Variants in DRAM2 observed in about 807,000 individuals in gnomAD.
The protein encoded by DRAM2 is DNA damage-regulated autophagy modulator protein 2.
DRAM2 carries 26 observed loss-of-function variants against 33.5 expected under a neutral mutation model. That is an observed-to-expected ratio of 0.78 (90% CI 0.57 to 1.08). The LOEUF (loss-of-function observed/expected upper bound fraction) is 1.08, where lower values mean the gene tolerates loss of function less well. DRAM2 is among the 50% of genes least tolerant of loss of function. DRAM2 has a pLI of 0.00. For missense variants in DRAM2, 311 were observed against 318.1 expected, an observed-to-expected ratio of 0.98 and a Z score of 0.17; for synonymous variants, 98 against 109.5, an observed-to-expected ratio of 0.89 and a Z score of 0.66.
intron 3 of DRAM2, among the ~76,000 whole-genome samples, chr1:111,132,173 G>T (rs1434620001): frequency 6.6e-6 from 1 of 152,144 alleles, no homozygotes; most frequent in African/African-American, 2.4e-5. Context: ...AACTTAAGTT[G>T]ATCATGCCTG....
intron 4 of DRAM2, among the ~76,000 whole-genome samples, chr1:111,128,389 A>G (rs1299783503): frequency 6.6e-6 from 1 of 152,074 alleles, no homozygotes; most frequent in East Asian, 1.9e-4. Flanking sequence ...AAAGCAGAAG[A>G]GGCAGAACAG....
intron 3 of DRAM2, among the ~76,000 whole-genome samples, chr1:111,133,961 T>C (rs1277282210): frequency 6.6e-6 from 1 of 152,236 alleles, no homozygotes; most frequent in Non-Finnish European, 1.5e-5. Flanking sequence ...TTAACTTGCT[T>C]GTTTGGTTTT....
rs1471706746 is a variant in DRAM2 at position 111,119,919 on chromosome 1, C to A, written c.558G>T (p.Gly186=). 6.2e-7 allele frequency: 1 copy of A among 1,612,796 alleles called. No individual in the cohort carries two copies. The highest frequency in any genetic ancestry group is 8.5e-7 in the Non-Finnish European group (1 of 1,179,144). Residue 186 remains glycine (G), a synonymous_variant, in exon 8 of 10, where the codon GGG becomes GGT. Transcript: ENST00000484310. ...AATGGAGTTTCTGTTCTAAATCAGT[C>A]CCAAAATTGCCACTGTGCAAAACTG... is the stretch of plus-strand genomic sequence containing the variant. ...CSSVLHSGNF[G]TDLEQKLHWN...
chr1:111,117,864 C>G lies in DRAM2; in HGVS notation c.*296G>C, dbSNP rs139794767. 2.2e-3 allele frequency: 776 copies of G among 352,780 alleles called. 13 individuals carry two copies. In the East Asian group the frequency reaches 0.042, roughly 19 times the overall value. 21.9% of individuals were successfully genotyped at this position (352,780 alleles called of 1,614,324 possible). A position where few individuals can be genotyped will look rare whatever the true frequency, so the allele number is the denominator to read the frequency against. On this transcript the variant is annotated 3_prime_UTR_variant, in exon 10 of 10. Transcript: ENST00000484310. ...TGGGATGTGCAGACTGATTGGTGCA[C>G]GTCAGGTTGTTTCTCTTAAATAAGG...
intron 6 of DRAM2, among the ~76,000 whole-genome samples, chr1:111,124,002 T>C (rs1481006976): frequency 6.6e-6 from 1 of 152,196 alleles, no homozygotes; most frequent in African/African-American, 2.4e-5. Flanking sequence ...TGAAGTATTC[T>C]TTTATAGCAC....
In DRAM2 at chr1:111,118,144, A is replaced by G. The variant is rs747057906; in HGVS notation, c.*16T>C. 1 of 1,605,598 alleles carries G rather than the reference A, an allele frequency of 6.2e-7. No homozygotes were observed. The highest frequency in any genetic ancestry group is 8.5e-7 in the Non-Finnish European group (1 of 1,172,504). On this transcript the variant is annotated 3_prime_UTR_variant, in exon 10 of 10. Coordinates refer to ENST00000484310, the MANE Select transcript of DRAM2 (RefSeq NM_001349884.2). ...CCTGAGAATCATAATCATTACAGAA[A>G]TATTTTATCCTTTCATCAAATATCT...
chr1:111,120,434 T>G, intron 7 of DRAM2, 82 bp downstream of exon 7: 5 of 443,646 alleles, frequency 1.1e-5, no homozygotes, highest in Non-Finnish European at 1.8e-5. Flanking sequence ...AAAAGGCTTC[T>G]TATACTGCAC....
chr1:111,132,601 T>C (rs1030360485), intron 3 of DRAM2, among the ~76,000 whole-genome samples: 4 of 152,138 alleles, frequency 2.6e-5, no homozygotes, highest in African/African-American at 9.7e-5. Flanking sequence ...GAAATCTCCA[T>C]ACTTCTTGAT....
In DRAM2 at chr1:111,126,283, G is replaced by A. The variant is rs1194798491; in HGVS notation, c.143C>T (p.Thr48Ile). ...PALPYISDTG[T>I]VAPEKCLFGA... ...AAATAAGCATTTTTCTGGAGCTACT[G>A]TACCAGTGTCACTGAAAGAAAAAAA... The change falls in exon 5 of 10, where the codon ACA becomes ATA. Residue 48 changes from threonine to isoleucine, a missense_variant. Thr to Ile is a moderately conservative substitution (Grantham distance 89). Coordinates refer to ENST00000484310, the MANE Select transcript of DRAM2 (RefSeq NM_001349884.2). 7 of 1,606,994 alleles carry A rather than the reference G, an allele frequency of 4.4e-6. No homozygotes were observed. The highest frequency in any genetic ancestry group is 1.4e-5 in the African/African-American group (1 of 74,004).
intron 8 of DRAM2, 102 bp downstream of exon 8, chr1:111,119,775 C>A: frequency 1.0e-6 from 1 of 958,842 alleles, no homozygotes; most frequent in Non-Finnish European, 1.6e-6. Context: ...ATTATTCTAC[C>A]AGAAGACTTT....
chr1:111,120,769 AC>A, intron 6 of DRAM2, 76 bp from the exon 7 acceptor site: 1 of 1,317,488 alleles, frequency 7.6e-7, no homozygotes, highest in Non-Finnish European at 1.0e-6. Context: ...TAAAAGCACA[AC>A]CCAGAGATTT....
Position 111,137,238 on chromosome 1 carries a change from C to G in DRAM2, c.-15+285G>C, listed in dbSNP as rs551830210. On this transcript the variant is annotated intron_variant, in intron 3 of 9. Transcript: ENST00000484310. ...CACTGCACTCCAACCTGGGCGACAG[C>G]GAGATTCCATCTCAAAAAAAAAAAA... Among the ~76,000 whole-genome samples the G allele has an allele frequency of 4.0e-5, 5 of 124,102 alleles. No individual in the cohort carries two copies. The South Asian group carries it at 1.2e-3, about 31-fold the overall frequency. The allele number at this position is 124,102 out of a possible 152,430, so 81.4% of individuals were successfully genotyped here. A position where few individuals can be genotyped will look rare whatever the true frequency, so the allele number is the denominator to read the frequency against.
intron 6 of DRAM2, among the ~76,000 whole-genome samples, chr1:111,123,544 C>T (rs1001555246): frequency 6.6e-6 from 1 of 152,194 alleles, no homozygotes; most frequent in Non-Finnish European, 1.5e-5. Flanking sequence ...TATATCACCT[C>T]TACCATCCCT....
At chr1:111,138,172 T>C (rs931860007) in intron 2 of DRAM2, among the ~76,000 whole-genome samples, 3 of 152,234 alleles carry the variant, frequency 2.0e-5, no homozygotes, top group Admixed American at 6.5e-5. Flanking sequence ...TTATGTATGA[T>C]TTTTTTCTAT....
chr1:111,119,886 G>C lies in DRAM2; in HGVS notation c.591C>G (p.Pro197=), dbSNP rs186676408. 6.2e-7 allele frequency: 1 copy of C among 1,612,226 alleles called. No homozygotes were observed. Among genetic ancestry groups the C allele is most frequent in the Non-Finnish European group, 8.5e-7 (1 of 1,178,828 alleles). The change falls in exon 8 of 10, where the codon CCC becomes CCG. Residue 197 remains proline, a synonymous_variant. Transcript: ENST00000484310. The stretch of plus-strand genomic sequence containing the variant: ...GACTGTAAGTTCTTACTTTGTCCTC[G>C]GGGTTCCAATGGAGTTTCTGTTCTA... ...TDLEQKLHWN[P]EDKGYVLHMI... is the part of the protein sequence containing the mutation.
rs772943514 is a variant in DRAM2, at chr1:111,118,250, C to A, written c.711G>T (p.Val237=). Residue 237 remains valine (V), a synonymous_variant, in exon 10 of 10, where the codon GTG becomes GTT. Transcript: ENST00000484310. ...IRDFQKISLR[V]EANLHGLTLY... is the part of the protein sequence containing the mutation. ...GGGTTAATCCATGTAAATTGGCTTC[C>A]ACCCGTAAAGAAATTTTCTGGAACA... The A allele has an allele frequency of 6.2e-6, 10 of 1,611,582 alleles. No individual in the cohort carries two copies. In the East Asian group the frequency reaches 1.3e-4, roughly 22 times the overall value.
chr1:111,131,997 G>T (rs145106342), intron 3 of DRAM2, among the ~76,000 whole-genome samples: 3 of 152,122 alleles, frequency 2.0e-5, no homozygotes, highest in African/African-American at 7.2e-5. Context: ...CTCTTAAAAC[G>T]CTTGGAATCT....
chr1:111,132,893 T>C (rs1398148165), intron 3 of DRAM2, among the ~76,000 whole-genome samples: 1 of 151,892 alleles, frequency 6.6e-6, no homozygotes, highest in Non-Finnish European at 1.5e-5. Flanking sequence ...TTGCCCAGGC[T>C]GGTATCAAAC....
At chr1:111,131,370 A>G (rs959885398) in intron 4 of DRAM2, 54 bp downstream of exon 4, 1 of 1,511,010 alleles carries the variant, frequency 6.6e-7, no homozygotes, top group Non-Finnish European at 8.9e-7. Flanking sequence ...CTTCAATGTT[A>G]AAATAAGAAT....
Sources: gnomAD v4.1 joint callset for allele counts (sites outside exome capture counted in the v4.1 genomes callset) on GRCh38, gnomAD v4.1.1 for gene constraint, MANE v1.5 for transcripts, NCBI Gene and HGNC (gene_info 2026-07-23, HGNC 2026-07-21) for gene names.